The following E2F8 variants were observed in gnomAD, a reference collection of about 807,000 sequenced individuals.
E2F8 encodes transcription factor E2F8.
In E2F8, 35 loss-of-function variants were observed where a neutral mutation model predicts 80.8. The ratio of observed to expected loss-of-function variants is 0.43; its 90% CI spans 0.33 to 0.57. The LOEUF (loss-of-function observed/expected upper bound fraction) is 0.57, where lower values mean the gene tolerates loss of function less well. Among genes scored for constraint, E2F8 ranks in the 20% least tolerant of loss-of-function variants. E2F8 has a pLI of 0.04. For synonymous variants in E2F8, 386 were observed against 395.0 expected (o/e 0.98, Z 0.27); for missense variants, 975 against 1,056.2 (o/e 0.92, Z 1.07).
At position 19,230,509 on chromosome 11, in the gene E2F8, G is replaced by C. The variant is rs761718323; in HGVS notation, c.1270+122C>G. On this transcript the variant is annotated intron_variant, in intron 8 of 12. Transcript: ENST00000250024. The stretch of plus-strand genomic sequence containing the variant: ...TTTATACATTAGTTAGGCTTCAAGA[G>C]GGTTTGGGTATATAGATATTGAAAT... 4.0e-6 allele frequency: 5 copies of C among 1,259,814 alleles called. No individual in the cohort carries two copies. The Admixed American group carries it at 6.9e-5, about 17-fold the overall frequency. The allele number at this position is 1,259,814 out of a possible 1,614,324, so 78.0% of individuals were successfully genotyped here.
chr11:19,227,348 T>A (rs1032236466), intron 10 of E2F8, among the ~76,000 whole-genome samples: 8 of 152,202 alleles, frequency 5.3e-5, no homozygotes, highest in Admixed American at 2.0e-4. Context: ...ATTTAGGTGC[T>A]TTATGAAGAC....
intron 11 of E2F8, 52 bp from the exon 12 acceptor site, chr11:19,225,667 A>G (rs771843579): frequency 7.5e-6 from 12 of 1,609,726 alleles, no homozygotes; most frequent in Non-Finnish European, 9.3e-6. Flanking sequence ...TTATCCAAGA[A>G]GTTGACAAGG....
At chr11:19,228,302 C>T (rs917760867) in intron 10 of E2F8, among the ~76,000 whole-genome samples, 11 of 152,178 alleles carry the variant, frequency 7.2e-5, no homozygotes, top group Non-Finnish European at 2.9e-5. Flanking sequence ...CAAAAGGATA[C>T]TATGTAAGAT....
At chr11:19,230,515 G>T in intron 8 of E2F8, 116 bp downstream of exon 8, 3 of 1,280,626 alleles carry the variant, frequency 2.3e-6, no homozygotes, top group South Asian at 1.4e-5. Context: ...AAGAGGGTTT[G>T]GGTATATAGA....
In E2F8 at chr11:19,234,776, A is replaced by G. The variant is rs1251788827; in HGVS notation, c.734T>C (p.Phe245Ser). 2 of 1,613,660 alleles carry G rather than the reference A, an allele frequency of 1.2e-6. No individual in the cohort carries two copies. The highest frequency in any genetic ancestry group is 1.7e-6 in the Non-Finnish European group (2 of 1,179,680). ...TGPNGHPDMCFVELPGVEFRA... is the reference protein window; with the variant it reads ...TGPNGHPDMCSVELPGVEFRA... ...AAATTCCACTCCAGGGAGTTCCACA[A>G]AACACATGTCTGGGTGTCCATTTGG... Residue 245 changes from phenylalanine (F) to serine (S), a missense_variant, in exon 5 of 13, where the codon TTT (phenylalanine) becomes TCT (serine). Coordinates refer to ENST00000250024, the MANE Select transcript of E2F8 (RefSeq NM_024680.4).
intron 4 of E2F8, 75 bp downstream of exon 4, chr11:19,237,239 C>CG (rs1851541876): frequency 2.2e-6 from 3 of 1,391,146 alleles, no homozygotes; most frequent in East Asian, 2.3e-5. Flanking sequence ...GCTAGATGAG[C>CG]GGGGGTCTGA....
Position 19,229,484 on chromosome 11 carries a change from C to G in E2F8, c.1863G>C (p.Glu621Asp), listed in dbSNP as rs764406628. ...AGACATTTTCAAGTCCTTTTAGGTC[C>G]TCTTTAAATTTCTTTTTGGAACCAC... ...EDSGSKKKFK[E>D]DLKGLENVSA... Residue 621 changes from glutamate (E) to aspartate (D), a missense_variant, in exon 10 of 13, where the codon GAG (glutamate) becomes GAC (aspartate). Physicochemically the swap from Glu to Asp is conservative, Grantham distance 45 (BLOSUM62 2). Coordinates refer to ENST00000250024, the MANE Select transcript of E2F8 (RefSeq NM_024680.4). This position sits in a 1 kb window ranked among gnomAD's most constrained non-coding sequence, Gnocchi z 4.3. 12 of 1,613,846 alleles carry G rather than the reference C, an allele frequency of 7.4e-6. No individual in the cohort carries two copies. The Admixed American group carries it at 1.5e-4, about 20-fold the overall frequency.
intron 2 of E2F8, among the ~76,000 whole-genome samples, chr11:19,239,818 G>A (rs1851613665): frequency 6.7e-6 from 1 of 149,902 alleles, no homozygotes; most frequent in African/African-American, 2.4e-5. Context: ...CAACATTTCT[G>A]AGGATTCTTG....
Position 19,224,554 on chromosome 11 carries a change from C to A in E2F8, c.*104G>T, listed in dbSNP as rs968068587. The A allele has an allele frequency of 1.6e-5, 19 of 1,163,430 alleles. No individual in the cohort carries two copies. The highest frequency in any genetic ancestry group is 9.5e-5 in the South Asian group (6 of 62,884). The allele number at this position is 1,163,430 out of a possible 1,614,324, so 72.1% of individuals were successfully genotyped here. A position where few individuals can be genotyped will look rare whatever the true frequency, so the allele number is the denominator to read the frequency against. ...GATTTCACATTGAACAAATCCCCAA[C>A]GTATTTACAGTATTTTCAGAGAATG... On this transcript the variant is annotated 3_prime_UTR_variant, in exon 13 of 13. Transcript: ENST00000250024.
At chr11:19,226,715 T>TA (rs1285978128) in intron 10 of E2F8, among the ~76,000 whole-genome samples, 4 of 152,218 alleles carry the variant, frequency 2.6e-5, no homozygotes, top group African/African-American at 4.8e-5. Context: ...AAAAAATGTC[T>TA]ACTATCTGGC....
Position 19,225,882 on chromosome 11 carries a change from A to G in E2F8, c.1894-18T>C, listed in dbSNP as rs117623539. On this transcript the variant is annotated intron_variant, in intron 10 of 12. Transcript: ENST00000250024. The stretch of plus-strand genomic sequence containing the variant: ...AACAAGGTCTAGAAAACAAGGAGGA[A>G]GGGTTTATTTTACACACAAATACAG... The G allele has an allele frequency of 0.075, 121,226 of 1,610,016 alleles. 5,147 individuals are homozygous for G. Among genetic ancestry groups the G allele is most frequent in the Middle Eastern group, 0.11 (653 of 6,034 alleles).
intron 5 of E2F8, 35 bp from the exon 6 acceptor site, chr11:19,234,556 T>C: frequency 6.2e-7 from 1 of 1,604,238 alleles, no homozygotes; most frequent in African/African-American, 1.3e-5. Context: ...GAATTAAAAT[T>C]CATAAAGGGA....
At chr11:19,230,926 A>C (rs1196400883) in intron 7 of E2F8, 92 bp from the exon 8 acceptor site, 6 of 1,185,166 alleles carry the variant, frequency 5.1e-6, no homozygotes, top group East Asian at 5.1e-5. Context: ...AAAAGTGGCA[A>C]GTTACAGAGC....
At chr11:19,231,852 C>G (rs895635691) in intron 7 of E2F8, among the ~76,000 whole-genome samples, 1 of 152,170 alleles carries the variant, frequency 6.6e-6, no homozygotes, top group East Asian at 1.9e-4. Flanking sequence ...CATCTTGAAT[C>G]ATCTTTTCAA....
intron 12 of E2F8, 157 bp downstream of exon 12, chr11:19,225,064 T>C (rs1465641601): frequency 8.3e-7 from 1 of 1,207,174 alleles, no homozygotes; most frequent in East Asian, 2.3e-5. Context: ...CCTTGGACAC[T>C]CTTCCTGGGT....
chr11:19,237,184 T>G, intron 4 of E2F8, 130 bp downstream of exon 4: 1 of 904,714 alleles, frequency 1.1e-6, no homozygotes, highest in Non-Finnish European at 1.7e-6. Flanking sequence ...GCTTTAGAGA[T>G]AGAAAATTTC....
At chr11:19,239,100 G>A (rs1851595591) in intron 2 of E2F8, among the ~76,000 whole-genome samples, 1 of 152,142 alleles carries the variant, frequency 6.6e-6, no homozygotes, top group Non-Finnish European at 1.5e-5. Context: ...AAAATAATAG[G>A]CAGACCAAAT....
At chr11:19,234,716 G>C in intron 5 of E2F8, 28 bp downstream of exon 5, 1 of 1,587,858 alleles carries the variant, frequency 6.3e-7, no homozygotes, top group Non-Finnish European at 8.6e-7. Flanking sequence ...ATGCCATGCC[G>C]CCTGGAGTTT....
chr11:19,234,331 C>A (rs1294975796), intron 6 of E2F8, 29 bp downstream of exon 6: 4 of 1,609,350 alleles, frequency 2.5e-6, no homozygotes, highest in African/African-American at 2.7e-5. Context: ...AGAATAGGTT[C>A]AAAAATCCAT....
Sources: allele counts gnomAD v4.1 joint callset (sites outside exome capture counted in the v4.1 genomes callset), GRCh38; gene constraint gnomAD v4.1.1; non-coding constraint Gnocchi (gnomAD v3.1); transcripts MANE v1.5; gene names NCBI Gene and HGNC (gene_info 2026-07-23, HGNC 2026-07-21).